Variants in PCCA observed in about 807,000 individuals in gnomAD.
The protein encoded by PCCA is propionyl-CoA carboxylase alpha chain, mitochondrial.
Under a neutral mutation model 101.3 loss-of-function variants are expected in PCCA, and 74 were observed. The observed-to-expected ratio is 0.73, with a 90% CI of 0.61 to 0.89. The LOEUF (loss-of-function observed/expected upper bound fraction) is 0.89. Among genes scored for constraint, PCCA ranks in the 40% least tolerant of loss-of-function variants. The pLI is 0.00. For missense variants in PCCA, 891 were observed against 907.0 expected (o/e 0.98, Z 0.23); for synonymous variants, 294 against 313.6 (o/e 0.94, Z 0.66).
In PCCA at chr13:100,112,051, A is replaced by T; in HGVS notation, c.290A>T (p.Asp97Val). The T allele has an allele frequency of 6.2e-7, 1 of 1,609,590 alleles. No homozygotes were observed. Among genetic ancestry groups the T allele is most frequent in the Non-Finnish European group, 8.5e-7 (1 of 1,177,458 alleles). ...ACAGTTGCCATCCACAGTGATGTTG[A>T]TGCTAGTTCTGTAAGTATATTTTTG... ...IKTVAIHSDV[D>V]ASSVHVKMAD... The change falls in exon 4 of 24, where the codon GAT (aspartate) becomes GTT (valine). Residue 97 changes from aspartate to valine, a missense_variant. Physicochemically the swap from Asp to Val is radical, Grantham distance 152. Coordinates refer to ENST00000376285, the MANE Select transcript of PCCA (RefSeq NM_000282.4).
chr13:100,266,531 A>T (rs2062945905), intron 10 of PCCA, among the ~76,000 whole-genome samples: 1 of 152,236 alleles, frequency 6.6e-6, no homozygotes, highest in Non-Finnish European at 1.5e-5. Flanking sequence ...GGTAATTAAT[A>T]AAAAGTAAGC....
chr13:100,098,541 G>T (rs1001193423), intron 1 of PCCA, among the ~76,000 whole-genome samples: 4 of 152,148 alleles, frequency 2.6e-5, no homozygotes, highest in African/African-American at 9.7e-5. Flanking sequence ...TTGATGGAGA[G>T]CTGTATAGTT....
At chr13:100,470,818 C>T (rs908482310) in intron 21 of PCCA, among the ~76,000 whole-genome samples, 5 of 152,220 alleles carry the variant, frequency 3.3e-5, no homozygotes, top group Non-Finnish European at 7.4e-5. Context: ...AAGGTCACAA[C>T]ACTGCACTCC....
At chr13:100,489,101 C>A (rs184552902) in intron 21 of PCCA, among the ~76,000 whole-genome samples, 1 of 152,040 alleles carries the variant, frequency 6.6e-6, no homozygotes, top group South Asian at 2.1e-4. Flanking sequence ...GTCAGGAGAT[C>A]GAGACCATCC....
chr13:100,421,268 A>T (rs2078730341), intron 19 of PCCA, among the ~76,000 whole-genome samples: 1 of 152,010 alleles, frequency 6.6e-6, no homozygotes, highest in Admixed American at 6.6e-5. Context: ...GTCCAAATGG[A>T]TTTGTGGGGA....
chr13:100,182,707 A>G (rs2056911065), intron 6 of PCCA, among the ~76,000 whole-genome samples: 1 of 152,048 alleles, frequency 6.6e-6, no homozygotes, highest in African/African-American at 2.4e-5. Context: ...GCCCTGTTGG[A>G]ACATGCTGAC....
chr13:100,335,671 G>T (rs562278210), intron 17 of PCCA, among the ~76,000 whole-genome samples: 1 of 152,304 alleles, frequency 6.6e-6, no homozygotes, highest in African/African-American at 2.4e-5. Context: ...GGGACACCAG[G>T]CACAGTTGGA....
intron 19 of PCCA, among the ~76,000 whole-genome samples, chr13:100,373,640 T>A (rs542961554): frequency 4.6e-5 from 7 of 152,354 alleles, no homozygotes; most frequent in African/African-American, 1.7e-4. Flanking sequence ...AAAGTTTCAC[T>A]TTTTAAGATG....
intron 16 of PCCA, among the ~76,000 whole-genome samples, chr13:100,327,381 C>G (rs574672922): frequency 6.6e-6 from 1 of 152,108 alleles, no homozygotes; most frequent in South Asian, 2.1e-4. Flanking sequence ...TTAGGTTTAT[C>G]CTTGTTATTT....
At chr13:100,208,219 G>C (rs1188201276) in intron 6 of PCCA, among the ~76,000 whole-genome samples, 2 of 152,016 alleles carry the variant, frequency 1.3e-5, no homozygotes, top group Non-Finnish European at 2.9e-5. Context: ...TCTACTTCCT[G>C]CTCGGGGTGG....
At chr13:100,118,829 G>A (rs1168763274) in intron 4 of PCCA, among the ~76,000 whole-genome samples, 8 of 152,194 alleles carry the variant, frequency 5.3e-5, no homozygotes, top group East Asian at 1.9e-4. Context: ...GATTACAGGC[G>A]TGAGCCACCG....
intron 16 of PCCA, among the ~76,000 whole-genome samples, chr13:100,325,928 C>A (rs112393827): frequency 5.9e-5 from 9 of 152,232 alleles, no homozygotes; most frequent in African/African-American, 2.2e-4. Flanking sequence ...CTGCTTCTCC[C>A]CAAACCCAAC....
intron 10 of PCCA, among the ~76,000 whole-genome samples, chr13:100,266,537 T>TAA: frequency 6.6e-6 from 1 of 152,232 alleles, no homozygotes; most frequent in Non-Finnish European, 1.5e-5. Context: ...TAATAAAAAG[T>TAA]AAGCATCCCT....
chr13:100,450,482 A>G (rs2081146945), intron 21 of PCCA, among the ~76,000 whole-genome samples: 1 of 152,128 alleles, frequency 6.6e-6, no homozygotes, highest in Non-Finnish European at 1.5e-5. Flanking sequence ...CATTCACCAG[A>G]TATCATTTCT....
rs377656564 is a variant in PCCA at position 100,360,176 on chromosome 13, T to C, written c.1644-8296T>C. ...AGTTTTGTGCAGGGAAACCCCCCCC[T>C]TTTTTTTTTCTTTAACCATCAGATC... On this transcript the variant is annotated intron_variant, in intron 18 of 23. Transcript: ENST00000376285. 3.0e-3 allele frequency among the ~76,000 whole-genome samples: 445 copies of C among 146,474 alleles called. 3 individuals carry two copies. Among genetic ancestry groups the C allele is most frequent in the African/African-American group, 8.0e-3 (314 of 39,472 alleles).
intron 6 of PCCA, among the ~76,000 whole-genome samples, chr13:100,160,500 C>G (rs2152393577): frequency 7.7e-6 from 1 of 130,264 alleles, no homozygotes. Context: ...GAGACTCTGT[C>G]TAAAAAAGAA....
intron 21 of PCCA, among the ~76,000 whole-genome samples, chr13:100,452,316 C>G (rs2081388397): frequency 6.6e-6 from 1 of 151,978 alleles, no homozygotes; most frequent in Admixed American, 6.6e-5. Context: ...TTAGCCATCT[C>G]TTGTTTGGAG....
intron 9 of PCCA, among the ~76,000 whole-genome samples, chr13:100,262,418 C>A (rs949121137): frequency 8.6e-5 from 13 of 151,580 alleles, no homozygotes; most frequent in African/African-American, 3.2e-4. Flanking sequence ...TGATACTTAG[C>A]AGTTGGTAAA....
At chr13:100,289,988 C>T (rs2065003910) in intron 12 of PCCA, among the ~76,000 whole-genome samples, 1 of 152,182 alleles carries the variant, frequency 6.6e-6, no homozygotes, top group Non-Finnish European at 1.5e-5. Context: ...TGAAATGTCA[C>T]ATCCTCAACT....
Sources: allele counts gnomAD v4.1 joint callset (sites outside exome capture counted in the v4.1 genomes callset), GRCh38; gene constraint gnomAD v4.1.1; transcripts MANE v1.5; gene names NCBI Gene and HGNC (gene_info 2026-07-23, HGNC 2026-07-21).